Variants in RAP1GAP2 observed in about 807,000 individuals in gnomAD.
RAP1GAP2 encodes the protein RAP1 GTPase activating protein 2, also known as rap1 GTPase-activating protein 2.
RAP1GAP2 carries 27 observed loss-of-function variants against 95.0 expected under a neutral mutation model. The ratio of observed to expected loss-of-function variants is 0.28; its 90% CI spans 0.21 to 0.39. The LOEUF (loss-of-function observed/expected upper bound fraction) is 0.39, where lower values mean the gene tolerates loss of function less well. RAP1GAP2 is among the 10% of genes least tolerant of loss of function. The pLI is 1.00. For synonymous variants in RAP1GAP2, 373 were observed against 380.9 expected (o/e 0.98, Z 0.24); for missense variants, 771 against 970.0 (o/e 0.79, Z 2.72).
chr17:2,762,325 G>A (rs1186998977), intron 1 of RAP1GAP2, among the ~76,000 whole-genome samples: 1 of 151,196 alleles, frequency 6.6e-6, no homozygotes, highest in Admixed American at 6.6e-5. Flanking sequence ...GGACTATTCA[G>A]ATCCTTTGCC....
intron 16 of RAP1GAP2, among the ~76,000 whole-genome samples, chr17:3,007,736 C>T (rs905493525): frequency 6.6e-6 from 1 of 152,188 alleles, no homozygotes; most frequent in African/African-American, 2.4e-5. Context: ...TTCACTCTTC[C>T]TTCTGCTCCT....
At chr17:3,015,749 G>A (rs183503290) in intron 17 of RAP1GAP2, among the ~76,000 whole-genome samples, 6 of 152,226 alleles carry the variant, frequency 3.9e-5, no homozygotes, top group South Asian at 2.1e-4. Context: ...CCTGGGAAGC[G>A]GAGGATGCTG....
chr17:2,998,478 C>A (rs1480315197), intron 14 of RAP1GAP2, 102 bp downstream of exon 14: 6 of 1,386,086 alleles, frequency 4.3e-6, no homozygotes, highest in African/African-American at 1.4e-5. Flanking sequence ...GTCAGAGATT[C>A]TCCATGAGTT....
intron 2 of RAP1GAP2, 42 bp downstream of exon 2, chr17:2,800,592 C>T (rs374096764): frequency 5.4e-5 from 86 of 1,595,092 alleles, no homozygotes; most frequent in Admixed American, 2.4e-4. Context: ...AGAGATGACG[C>T]GGATCAGAGC....
At chr17:2,865,262 G>T (rs2072574995) in intron 2 of RAP1GAP2, among the ~76,000 whole-genome samples, 3 of 152,106 alleles carry the variant, frequency 2.0e-5, no homozygotes, top group Non-Finnish European at 4.4e-5. Context: ...CTCTGTTTTG[G>T]GTCTCCTGTT....
chr17:2,949,106 G>C (rs4790107), intron 3 of RAP1GAP2, among the ~76,000 whole-genome samples: 115,986 of 152,164 alleles, frequency 0.76, 44,683 homozygotes, highest in South Asian at 0.84. Flanking sequence ...GACAGGGGTG[G>C]AACTTGGGGC....
intron 2 of RAP1GAP2, among the ~76,000 whole-genome samples, chr17:2,892,734 C>T (rs2073764276): frequency 6.6e-6 from 1 of 152,162 alleles, no homozygotes; most frequent in Admixed American, 6.6e-5. Flanking sequence ...TCCTGTGACT[C>T]ATTCCTGAAA....
intron 3 of RAP1GAP2, among the ~76,000 whole-genome samples, chr17:2,955,205 A>G (rs1216366288): frequency 6.6e-6 from 1 of 152,148 alleles, no homozygotes; most frequent in Non-Finnish European, 1.5e-5. Flanking sequence ...GGAATTGCCA[A>G]ATGATTTTCC....
chr17:3,029,526 CG>C lies in RAP1GAP2; in HGVS notation c.2108-1395del, dbSNP rs1231692800. On this transcript the variant is annotated intron_variant, in intron 22 of 24. Transcript: ENST00000254695. The surrounding 1 kb of genome is among the most constrained non-coding windows in gnomAD (Gnocchi z 4.4). ...GGTGGAGTGGGGAGAGGTGGCCTGA[CG>C]TCCTGACGTACAGTCTCCATAATGT... Among the ~76,000 whole-genome samples the C allele has an allele frequency of 6.6e-6, 1 of 152,086 alleles. No homozygotes were observed. The highest frequency in any genetic ancestry group is 1.5e-5 in the Non-Finnish European group (1 of 68,004).
intron 1 of RAP1GAP2, among the ~76,000 whole-genome samples, chr17:2,798,380 C>T (rs1447638574): frequency 6.6e-6 from 1 of 152,192 alleles, no homozygotes; most frequent in Non-Finnish European, 1.5e-5. Flanking sequence ...GTCTTTTGCA[C>T]ACAGCAGGTG....
At chr17:2,799,951 T>G (rs2069211900) in intron 1 of RAP1GAP2, among the ~76,000 whole-genome samples, 1 of 152,184 alleles carries the variant, frequency 6.6e-6, no homozygotes, top group Non-Finnish European at 1.5e-5. Context: ...TCTGAACCTC[T>G]GTGCCTGATA....
intron 1 of RAP1GAP2, among the ~76,000 whole-genome samples, chr17:2,779,205 C>T (rs12602711): frequency 0.32 from 48,458 of 151,912 alleles, 8,142 homozygotes; most frequent in East Asian, 0.63. Flanking sequence ...GTGCCTAACA[C>T]TGCGTGACCT....
intron 2 of RAP1GAP2, among the ~76,000 whole-genome samples, chr17:2,881,786 G>A (rs1450268154): frequency 6.6e-6 from 1 of 151,492 alleles, no homozygotes; most frequent in South Asian, 2.1e-4. Context: ...TTTTTTTCTC[G>A]ATGATGGCCA....
intron 3 of RAP1GAP2, among the ~76,000 whole-genome samples, chr17:2,957,523 C>G (rs2151472899): frequency 6.6e-6 from 1 of 152,350 alleles, no homozygotes; most frequent in Non-Finnish European, 1.5e-5. Context: ...GTCTGCTCCC[C>G]CAGCACCATT....
intron 2 of RAP1GAP2, among the ~76,000 whole-genome samples, chr17:2,868,408 G>C (rs2072704493): frequency 6.6e-6 from 1 of 152,160 alleles, no homozygotes; most frequent in Admixed American, 6.5e-5. Context: ...ACATGGTGTC[G>C]AAACTGCGGC....
At chr17:2,761,901 T>C (rs2071257394) in intron 1 of RAP1GAP2, among the ~76,000 whole-genome samples, 2 of 151,984 alleles carry the variant, frequency 1.3e-5, no homozygotes, top group Admixed American at 1.3e-4. Flanking sequence ...TGGTGTCTCA[T>C]TGTGGTTTTC....
In RAP1GAP2 at chr17:2,904,530, C is replaced by CTGTGTGTGTGTGTGTGTGTG. The variant is rs5818880; in HGVS notation, c.81-734_81-715dup. On this transcript the variant is annotated intron_variant, in intron 2 of 24. Transcript: ENST00000254695. The surrounding 1 kb of genome is among the most constrained non-coding windows in gnomAD (Gnocchi z 4.7). ...CCGAGGACAGCTTTTTGACCAGGGC[C>CTGTGTGTGTGTGTGTGTGTG]TGTGTGTGTGTGTGTGTGTGTGTGT... Among the ~76,000 whole-genome samples the CTGTGTGTGTGTGTGTGTGTG allele has an allele frequency of 0.037, 4,772 of 129,032 alleles. 318 individuals carry two copies. Among genetic ancestry groups the CTGTGTGTGTGTGTGTGTGTG allele is most frequent in the Non-Finnish European group, 0.056 (3,373 of 60,484 alleles). 84.7% of individuals were successfully genotyped at this position (129,032 alleles called of 152,430 possible).
intron 3 of RAP1GAP2, among the ~76,000 whole-genome samples, chr17:2,912,675 A>C (rs968737628): frequency 6.6e-6 from 1 of 152,100 alleles, no homozygotes; most frequent in Non-Finnish European, 1.5e-5. Context: ...GGGTCCTGGG[A>C]GAGTCACCTC....
intron 3 of RAP1GAP2, among the ~76,000 whole-genome samples, chr17:2,926,001 G>A (rs776847475): frequency 4.6e-5 from 7 of 152,156 alleles, no homozygotes; most frequent in Admixed American, 4.6e-4. Context: ...TTAGCTGGGC[G>A]TGGTGGTGGG....
Sources: gnomAD v4.1 joint callset for allele counts (sites outside exome capture counted in the v4.1 genomes callset) on GRCh38, gnomAD v4.1.1 for gene constraint, Gnocchi (gnomAD v3.1) non-coding constraint, MANE v1.5 for transcripts, NCBI Gene and HGNC (gene_info 2026-07-23, HGNC 2026-07-21) for gene names.